Variants in ANKMY1 observed in about 807,000 individuals in gnomAD.
ANKMY1 encodes the protein ankyrin repeat and MYND domain-containing protein 1.
A neutral mutation model predicts 102.0 loss-of-function variants in ANKMY1; 98 were observed. The observed-to-expected ratio is 0.96, with a 90% CI of 0.82 to 1.14. ANKMY1 has a LOEUF of 1.14. ANKMY1 is among the 50% of genes most tolerant of loss of function. The probability of loss-of-function intolerance (pLI) is 0.00; values close to 1 mark genes in which losing one functional copy is unlikely to be tolerated. For synonymous variants in ANKMY1, 582 were observed against 559.9 expected (o/e 1.04, Z -0.56); for missense variants, 1,330 against 1,347.6 (o/e 0.99, Z 0.20).
intron 8 of ANKMY1, 168 bp downstream of exon 8, chr2:240,523,717 G>C: frequency 3.4e-6 from 4 of 1,163,198 alleles, no homozygotes; most frequent in Non-Finnish European, 4.7e-6. Flanking sequence ...ACCCCCACAG[G>C]GCTGGCCATG....
intron 3 of ANKMY1, chr2:240,554,516 A>G (rs1030264547): frequency 5.0e-6 from 1 of 199,770 alleles, no homozygotes; most frequent in Non-Finnish European, 1.0e-5. Context: ...TTTGTCTTTT[A>G]GAACATTCGC....
chr2:240,555,149 C>T, intron 2 of ANKMY1, 94 bp from the exon 3 acceptor site: 4 of 1,337,974 alleles, frequency 3.0e-6, no homozygotes, highest in Non-Finnish European at 4.2e-6. Context: ...CCCAGCATCT[C>T]ATTTCATCCC....
intron 15 of ANKMY1, among the ~76,000 whole-genome samples, chr2:240,485,910 C>T (rs1412066338): frequency 1.3e-5 from 2 of 152,152 alleles, no homozygotes; most frequent in Admixed American, 6.5e-5. Context: ...TGAATCTTGA[C>T]TGGTCATAAT....
chr2:240,514,510 A>C (rs2080839400), intron 9 of ANKMY1, among the ~76,000 whole-genome samples: 1 of 152,202 alleles, frequency 6.6e-6, no homozygotes, highest in African/African-American at 2.4e-5. Context: ...CAAAGGTCTA[A>C]GGGAAAACAG....
At chr2:240,478,562 C>G (rs1308274727), downstream of ANKMY1, among the ~76,000 whole-genome samples, 2 of 152,056 alleles carry the variant, frequency 1.3e-5, no homozygotes, top group Non-Finnish European at 2.9e-5. Flanking sequence ...TGCAGGGGTA[C>G]AAAGGCCTGG....
At chr2:240,473,520 G>A in the ANKMY1 span, among the ~76,000 whole-genome samples, 2 of 148,360 alleles carry the variant, frequency 1.3e-5, no homozygotes, top group Non-Finnish European at 3.0e-5. Flanking sequence ...ATTAAAGAGT[G>A]AAAAAAGCAT....
rs2085795738 is a variant in ANKMY1 at position 240,532,948 on chromosome 2, T to TC, written c.481-3440dup. Among the ~76,000 whole-genome samples, 3 of 152,370 alleles carry TC rather than the reference T, an allele frequency of 2.0e-5. No homozygotes were observed. The South Asian group carries it at 6.2e-4, about 32-fold the overall frequency. ...GTCTTGAACCCCTGGCCTCAAGCGA[T>TC]CCTCCTGCCTTGGCCTTCCAAAGTA... On this transcript the variant is annotated intron_variant, in intron 4 of 17. Transcript: ENST00000401804.
At chr2:240,486,034 T>C (rs548845638) in intron 15 of ANKMY1, among the ~76,000 whole-genome samples, 1 of 152,370 alleles carries the variant, frequency 6.6e-6, no homozygotes, top group African/African-American at 2.4e-5. Flanking sequence ...ATAAAGGTTA[T>C]AAATCCAACA....
chr2:240,550,808 T>C (rs574192106), intron 4 of ANKMY1, among the ~76,000 whole-genome samples: 1 of 152,040 alleles, frequency 6.6e-6, no homozygotes, highest in Non-Finnish European at 1.5e-5. Context: ...TGTTAAATTG[T>C]TGTATGACAC....
At chr2:240,526,108 A>C in intron 6 of ANKMY1, 121 bp downstream of exon 6, 1 of 1,242,260 alleles carries the variant, frequency 8.0e-7, no homozygotes, top group Non-Finnish European at 1.2e-6. Flanking sequence ...AGGTGTGGAC[A>C]ATCAGTGTCC....
chr2:240,516,811 C>T (rs908331023), intron 9 of ANKMY1, among the ~76,000 whole-genome samples: 1 of 152,172 alleles, frequency 6.6e-6, no homozygotes, highest in Non-Finnish European at 1.5e-5. Flanking sequence ...TGGTGTTAAC[C>T]CGGTATGACT....
chr2:240,527,620 A>AGGT (rs2083976305), intron 5 of ANKMY1: 1 of 3,498 alleles, frequency 2.9e-4, no homozygotes, highest in African/African-American at 1.2e-3. Flanking sequence ...AATGGATGTT[A>AGGT]AGTGGGTGGA....
At chr2:240,519,766 A>C (rs2081832242) in intron 9 of ANKMY1, 1 of 200,744 alleles carries the variant, frequency 5.0e-6, no homozygotes, top group African/African-American at 2.4e-5. Flanking sequence ...TTCTTCGAAG[A>C]ACTAGCAGGC....
At chr2:240,551,670 T>C (rs1185736435) in intron 4 of ANKMY1, among the ~76,000 whole-genome samples, 5 of 152,180 alleles carry the variant, frequency 3.3e-5, no homozygotes, top group African/African-American at 7.2e-5. Flanking sequence ...CTTTGATTCC[T>C]AAGTGACCAC....
At chr2:240,556,830 C>T (rs1412529407) in intron 2 of ANKMY1, among the ~76,000 whole-genome samples, 2 of 152,064 alleles carry the variant, frequency 1.3e-5, no homozygotes, top group African/African-American at 4.8e-5. Context: ...AGGGGGACCT[C>T]GTGAGATGCT....
intron 15 of ANKMY1, among the ~76,000 whole-genome samples, chr2:240,493,339 C>A (rs985287588): frequency 6.6e-6 from 1 of 152,022 alleles, no homozygotes; most frequent in African/African-American, 2.4e-5. Context: ...AAAAAAAATT[C>A]TTTTTGGTTA....
intron 12 of ANKMY1, among the ~76,000 whole-genome samples, chr2:240,509,022 G>A (rs994726485): frequency 6.6e-6 from 1 of 152,048 alleles, no homozygotes; most frequent in Non-Finnish European, 1.5e-5. Flanking sequence ...AAGTGGGTGG[G>A]TAGTTGGGTG....
Position 240,520,221 on chromosome 2 carries a change from C to T in ANKMY1, c.2004+141G>A. On this transcript the variant is annotated intron_variant, in intron 9 of 17. Coordinates refer to ENST00000401804, the MANE Select transcript of ANKMY1 (RefSeq NM_001282771.3). This position sits in a 1 kb window ranked among gnomAD's most constrained non-coding sequence, Gnocchi z 4.8. ...GGCTGTGGGACCCCCCACTGCGGCG[C>T]GCCGTCATCACTCACAGCCCAGGTG... 1.6e-6 allele frequency: 2 copies of T among 1,275,944 alleles called. No homozygotes were observed. Among genetic ancestry groups the T allele is most frequent in the Middle Eastern group, 1.9e-4 (1 of 5,382 alleles). 79.0% of individuals were successfully genotyped at this position (1,275,944 alleles called of 1,614,324 possible).
intron 4 of ANKMY1, among the ~76,000 whole-genome samples, chr2:240,537,720 G>C (rs2087200684): frequency 6.6e-6 from 1 of 152,192 alleles, no homozygotes; most frequent in Non-Finnish European, 1.5e-5. Flanking sequence ...ATCAAGTGTA[G>C]CCTCAAGCTG....
Sources: allele counts gnomAD v4.1 joint callset (sites outside exome capture counted in the v4.1 genomes callset), GRCh38; gene constraint gnomAD v4.1.1; non-coding constraint Gnocchi (gnomAD v3.1); transcripts MANE v1.5; gene names NCBI Gene and HGNC (gene_info 2026-07-23, HGNC 2026-07-21).